EDIL3: variants seen among roughly 807,000 people sequenced by gnomAD.
EDIL3 encodes EGF-like repeat and discoidin I-like domain-containing protein 3.
A neutral mutation model predicts 67.4 loss-of-function variants in EDIL3; 37 were observed. That is an observed-to-expected ratio of 0.55 (90% confidence interval 0.42 to 0.72). EDIL3 has a LOEUF of 0.72. EDIL3 is among the 30% of genes least tolerant of loss of function. The pLI is 0.00. For synonymous variants in EDIL3, 195 were observed against 196.3 expected, an observed-to-expected ratio of 0.99 and a Z score of 0.05; for missense variants, 527 against 586.3, an observed-to-expected ratio of 0.90 and a Z score of 1.04.
intron 1 of EDIL3, among the ~76,000 whole-genome samples, chr5:84,285,298 T>C (rs1266971746): frequency 3.3e-5 from 5 of 152,166 alleles, no homozygotes; most frequent in Admixed American, 3.3e-4. Flanking sequence ...CAGAAATAGG[T>C]GTGTATGCAA....
intron 3 of EDIL3, among the ~76,000 whole-genome samples, chr5:84,187,481 A>G (rs1388314622): frequency 2.6e-5 from 4 of 152,112 alleles, no homozygotes; most frequent in African/African-American, 4.8e-5. Flanking sequence ...TTTAAAAAAT[A>G]TGCCTCCAAA....
intron 1 of EDIL3, among the ~76,000 whole-genome samples, chr5:84,286,652 C>T (rs550901780): frequency 6.6e-6 from 1 of 152,258 alleles, no homozygotes; most frequent in Non-Finnish European, 1.5e-5. Flanking sequence ...TTTTTGTATA[C>T]TTTATAACTT....
At chr5:84,291,701 T>A (rs1026363825) in intron 1 of EDIL3, among the ~76,000 whole-genome samples, 6 of 144,176 alleles carry the variant, frequency 4.2e-5, no homozygotes, top group Middle Eastern at 3.6e-3. Flanking sequence ...TATATATCTA[T>A]CTATGTAGAT....
intron 5 of EDIL3, among the ~76,000 whole-genome samples, chr5:84,117,017 C>CTTCT (rs1165510374): frequency 3.2e-5 from 3 of 93,126 alleles, no homozygotes; most frequent in African/African-American, 1.5e-4. Flanking sequence ...AAGTTAAGTA[C>CTTCT]TTATTTTTTT....
At chr5:84,281,155 G>A (rs1391750493) in intron 1 of EDIL3, among the ~76,000 whole-genome samples, 1 of 151,948 alleles carries the variant, frequency 6.6e-6, no homozygotes, top group Non-Finnish European at 1.5e-5. Flanking sequence ...GAAGTCTAAT[G>A]CATTCTCTTT....
chr5:84,046,323 A>G (rs984209568), intron 9 of EDIL3, among the ~76,000 whole-genome samples: 2 of 152,196 alleles, frequency 1.3e-5, no homozygotes, highest in Non-Finnish European at 2.9e-5. Context: ...AAGTGACCAG[A>G]GCTATGCTGG....
chr5:84,136,845 T>C (rs1748101154), intron 5 of EDIL3, among the ~76,000 whole-genome samples: 1 of 152,204 alleles, frequency 6.6e-6, no homozygotes, highest in South Asian at 2.1e-4. Flanking sequence ...TTCAATGCCC[T>C]GAATTTACTC....
chr5:83,963,995 G>A (rs1744648442), intron 9 of EDIL3, among the ~76,000 whole-genome samples: 1 of 151,768 alleles, frequency 6.6e-6, no homozygotes, highest in South Asian at 2.1e-4. Flanking sequence ...CTTCAAAAAT[G>A]AAGAAGGATT....
At chr5:83,997,572 A>T (rs1302143802) in intron 9 of EDIL3, among the ~76,000 whole-genome samples, 2 of 152,168 alleles carry the variant, frequency 1.3e-5, no homozygotes, top group Non-Finnish European at 2.9e-5. Context: ...AGTTTGAAAT[A>T]TCTGTAGAAT....
At chr5:83,983,455 G>A (rs1415708424) in intron 9 of EDIL3, among the ~76,000 whole-genome samples, 1 of 151,990 alleles carries the variant, frequency 6.6e-6, no homozygotes, top group African/African-American at 2.4e-5. Flanking sequence ...AAACAGCAAG[G>A]AAAAATTACG....
chr5:83,975,976 G>T (rs1423487272), intron 9 of EDIL3, among the ~76,000 whole-genome samples: 5 of 151,800 alleles, frequency 3.3e-5, no homozygotes, highest in African/African-American at 1.2e-4. Context: ...TACATTTCAA[G>T]AAATGCTAAA....
chr5:84,015,538 G>C (rs16900820), intron 9 of EDIL3, among the ~76,000 whole-genome samples: 6,039 of 152,092 alleles, frequency 0.04, 412 homozygotes, highest in African/African-American at 0.14. Flanking sequence ...AGATAGTTTT[G>C]TACAAAAGTG....
chr5:84,086,056 C>A (rs556454932), intron 6 of EDIL3, among the ~76,000 whole-genome samples: 42 of 152,318 alleles, frequency 2.8e-4, no homozygotes, highest in Non-Finnish European at 5.1e-4. Context: ...GCTGTGCTGG[C>A]AGTGAGAATT....
At chr5:84,166,757 C>A (rs562490899) in intron 4 of EDIL3, among the ~76,000 whole-genome samples, 3 of 152,088 alleles carry the variant, frequency 2.0e-5, no homozygotes, top group Non-Finnish European at 1.5e-5. Context: ...TTGGAGGAAG[C>A]CACTCTGGAA....
chr5:83,946,020 A>C (rs1042076166), intron 10 of EDIL3, among the ~76,000 whole-genome samples: 3 of 151,980 alleles, frequency 2.0e-5, no homozygotes, highest in African/African-American at 7.2e-5. Context: ...AGCACTAGGA[A>C]GCCCCTGCTT....
At chr5:84,138,705 T>C (rs1482188612) in intron 4 of EDIL3, among the ~76,000 whole-genome samples, 1 of 152,074 alleles carries the variant, frequency 6.6e-6, no homozygotes, top group Non-Finnish European at 1.5e-5. Flanking sequence ...GAAAGCAGAG[T>C]TGGTCAACTT....
chr5:84,238,719 G>T, intron 2 of EDIL3, among the ~76,000 whole-genome samples: 3 of 106,138 alleles, frequency 2.8e-5, no homozygotes, highest in Non-Finnish European at 3.5e-5. Context: ...GGAAAATAGT[G>T]TATCCACATT....
intron 1 of EDIL3, among the ~76,000 whole-genome samples, chr5:84,343,642 T>C (rs1019584279): frequency 2.6e-5 from 4 of 152,072 alleles, no homozygotes; most frequent in African/African-American, 4.8e-5. Context: ...AAACAAACAT[T>C]AAGGTATACT....
At chr5:84,348,039 G>C (rs1044941972) in intron 1 of EDIL3, among the ~76,000 whole-genome samples, 8 of 152,128 alleles carry the variant, frequency 5.3e-5, no homozygotes, top group African/African-American at 1.9e-4. Flanking sequence ...AGAGGAAAAT[G>C]TAAAAAAAGC....
Sources: gnomAD v4.1 joint callset for allele counts (sites outside exome capture counted in the v4.1 genomes callset) on GRCh38, gnomAD v4.1.1 for gene constraint, MANE v1.5 for transcripts, NCBI Gene and HGNC (gene_info 2026-07-23, HGNC 2026-07-21) for gene names.